Variants in PLIN1 observed in about 807,000 individuals in gnomAD.
The protein encoded by PLIN1 is perilipin-1.
PLIN1 carries 37 observed loss-of-function variants against 45.8 expected under a neutral mutation model. The ratio of observed to expected loss-of-function variants is 0.81; its 90% CI spans 0.62 to 1.06. The LOEUF is 1.06. Ranked by LOEUF, PLIN1 falls within the 50% of genes least tolerant of loss-of-function variation. The probability of loss-of-function intolerance (pLI) is 0.00; values close to 1 mark genes in which losing one functional copy is unlikely to be tolerated. For missense variants in PLIN1, 776 were observed against 716.5 expected (o/e 1.08, Z -0.95); for synonymous variants, 340 against 309.2 (o/e 1.10, Z -1.05).
chr15:89,669,897 G>T, intron 5 of PLIN1, 83 bp downstream of exon 5: 1 of 1,424,714 alleles, frequency 7.0e-7, no homozygotes, highest in Non-Finnish European at 9.6e-7. Context: ...CCAGAGCAGT[G>T]GCTGGTTGAG....
In PLIN1 at chr15:89,665,442, C is replaced by T; in HGVS notation, c.*141G>A. On this transcript the variant is annotated 3_prime_UTR_variant, in exon 9 of 9. Coordinates refer to ENST00000300055, the MANE Select transcript of PLIN1 (RefSeq NM_002666.5). ...AAAAATAAAATAAAAATAAAAAGTGCGCCTTGGCAGCATCATCAGGATGAG... is the reference window on the plus strand; with the variant it reads ...AAAAATAAAATAAAAATAAAAAGTGTGCCTTGGCAGCATCATCAGGATGAG... 5.3e-6 allele frequency: 3 copies of T among 560,988 alleles called. No individual in the cohort carries two copies. Among genetic ancestry groups the T allele is most frequent in the South Asian group, 4.9e-5 (1 of 20,342 alleles). The allele number at this position is 560,988 out of a possible 1,614,324, so 34.8% of individuals were successfully genotyped here.
chr15:89,667,806 G>A lies in PLIN1; in HGVS notation c.772-13C>T, dbSNP rs1178744300. 1 of 1,549,866 alleles carries A rather than the reference G, an allele frequency of 6.5e-7. No individual in the cohort carries two copies. The highest frequency in any genetic ancestry group is 8.7e-7 in the Non-Finnish European group (1 of 1,147,990). ...GGGCCAGGCTGCTCTGAGGGAGGAT[G>A]GCAGCAGATAGCTGGCTCAACTGCC... On this transcript the variant is annotated splice_polypyrimidine_tract_variant and intron_variant, in intron 6 of 8. Coordinates refer to ENST00000300055, the MANE Select transcript of PLIN1 (RefSeq NM_002666.5).
At position 89,667,762 on chromosome 15, in the gene PLIN1, G is replaced by A. The variant is rs1421611364; in HGVS notation, c.803C>T (p.Ala268Val). The change falls in exon 7 of 9, where the codon GCC becomes GTC. Residue 268 changes from alanine to valine, a missense_variant. By Grantham distance (64) the Ala-to-Val change is moderately conservative (BLOSUM62 0). Coordinates refer to ENST00000300055, the MANE Select transcript of PLIN1 (RefSeq NM_002666.5). Reference protein sequence around the residue: ...SSLAQWGASVAMQAVSRRRSE... With the variant: ...SSLAQWGASVVMQAVSRRRSE... ...CCTCCGCCGGGACACCGCCTGCATG[G>A]CCACTGAGGCACCCCACTGGGCCAG... is the stretch of plus-strand genomic sequence containing the variant. The A allele has an allele frequency of 3.8e-6, 6 of 1,562,672 alleles. No homozygotes were observed. The highest frequency in any genetic ancestry group is 2.3e-5 in the East Asian group (1 of 42,584).
chr15:89,666,812 G>A, intron 8 of PLIN1, 124 bp downstream of exon 8: 2 of 1,061,916 alleles, frequency 1.9e-6, no homozygotes, highest in Non-Finnish European at 2.8e-6. Flanking sequence ...GGACTGGAGT[G>A]GGGGGCGGTC....
chr15:89,679,013 T>C (rs7177950), intron 1 of PLIN1, among the ~76,000 whole-genome samples: 96 of 152,128 alleles, frequency 6.3e-4, no homozygotes, highest in African/African-American at 2.2e-3. Context: ...GCAGGGCTAA[T>C]TTTTTCTCTT....
At position 89,667,648 on chromosome 15, in the gene PLIN1, G is replaced by C. The variant is rs756738288; in HGVS notation, c.917C>G (p.Thr306Arg). Reference sequence around the variant, plus strand: ...AGTCTCCAATTCTTCCTCCTCCTCCGTGTCCTCTCCCTCCGTGTCTGTCTG... The same window carrying C: ...AGTCTCCAATTCTTCCTCCTCCTCCCTGTCCTCTCCCTCCGTGTCTGTCTG... ...EDQTDTEGED[T>R]EEEEELETEE... Residue 306 changes from threonine (T) to arginine (R), a missense_variant, in exon 7 of 9, where the codon ACG becomes AGG. Coordinates refer to ENST00000300055, the MANE Select transcript of PLIN1 (RefSeq NM_002666.5). The C allele has an allele frequency of 1.2e-6, 2 of 1,610,376 alleles. No homozygotes were observed.
Position 89,667,797 on chromosome 15 carries a change from A to G in PLIN1, c.772-4T>C, listed in dbSNP as rs1410982620. On this transcript the variant is annotated splice_polypyrimidine_tract_variant and splice_region_variant and intron_variant, in intron 6 of 8. Transcript: ENST00000300055. The stretch of plus-strand genomic sequence containing the variant: ...CACCCCACTGGGCCAGGCTGCTCTG[A>G]GGGAGGATGGCAGCAGATAGCTGGC... The G allele has an allele frequency of 2.6e-6, 4 of 1,553,378 alleles. No individual in the cohort carries two copies. The African/African-American group carries it at 5.4e-5, about 21-fold the overall frequency.
chr15:89,669,750 G>T, intron 5 of PLIN1, 78 bp from the exon 6 acceptor site: 1 of 1,316,290 alleles, frequency 7.6e-7, no homozygotes, highest in Non-Finnish European at 1.0e-6. Context: ...GTCTAGGACT[G>T]GAAAGTAGGT....
intron 6 of PLIN1, 59 bp downstream of exon 6, chr15:89,669,441 T>C: frequency 7.2e-7 from 1 of 1,390,666 alleles, no homozygotes. Context: ...TGGGAGGGAC[T>C]AGGAGGCCCA....
chr15:89,676,412 TG>T (rs2141539539), intron 2 of PLIN1, among the ~76,000 whole-genome samples: 1 of 152,208 alleles, frequency 6.6e-6, no homozygotes, highest in Admixed American at 6.5e-5. Flanking sequence ...CATACCCCGC[TG>T]ATTTTTTGTA....
intron 2 of PLIN1, among the ~76,000 whole-genome samples, chr15:89,675,077 C>T (rs529394382): frequency 6.6e-4 from 101 of 152,102 alleles, no homozygotes; most frequent in African/African-American, 2.4e-3. Context: ...AATCACGCCA[C>T]TGTACCACAG....
At chr15:89,673,752 T>G (rs546095281) in intron 2 of PLIN1, among the ~76,000 whole-genome samples, 158 of 152,126 alleles carry the variant, frequency 1.0e-3, no homozygotes, top group Non-Finnish European at 1.8e-3. Flanking sequence ...GAGCAAGTGT[T>G]GTTAATGTCT....
At chr15:89,668,091 TCCC>T (rs1173502736) in intron 6 of PLIN1, among the ~76,000 whole-genome samples, 1 of 152,166 alleles carries the variant, frequency 6.6e-6, no homozygotes, top group African/African-American at 2.4e-5. Flanking sequence ...CAGTCCACAT[TCCC>T]CCAAGAGTGA....
Position 89,665,570 on chromosome 15 carries a change from C to G in PLIN1, c.*13G>C. On this transcript the variant is annotated 3_prime_UTR_variant, in exon 9 of 9. Coordinates refer to ENST00000300055, the MANE Select transcript of PLIN1 (RefSeq NM_002666.5). ...AACCCGCCGGCCCGGGGCGCGGCGG[C>G]TGGTGCGGCGACTCAGCTCTTCTTG... is the stretch of plus-strand genomic sequence containing the variant. The G allele has an allele frequency of 6.6e-7, 1 of 1,522,078 alleles. No individual in the cohort carries two copies. The highest frequency in any genetic ancestry group is 8.8e-7 in the Non-Finnish European group (1 of 1,136,510). 94.3% of individuals were successfully genotyped at this position (1,522,078 alleles called of 1,614,324 possible).
At position 89,677,477 on chromosome 15, in the gene PLIN1, T is replaced by C. The variant is rs554749197; in HGVS notation, c.13A>G (p.Lys5Glu). 8.2e-5 allele frequency: 132 copies of C among 1,614,116 alleles called. 3 individuals are homozygous for C. In the South Asian group the frequency reaches 1.0e-3, roughly 13 times the overall value. Residue 5 changes from lysine (K) to glutamate (E), a missense_variant, in exon 2 of 9, where the codon AAA becomes GAA. Physicochemically the swap from Lys to Glu is moderately conservative, Grantham distance 56. Transcript: ENST00000300055. ...TCTCCATCCAGCAAGGTGAGGCCTT[T>C]GTTGACTGCCATCCTCGCTCCTCAA... MAVNKGLTLLDGDLP... is the reference protein window; with the variant it reads MAVNEGLTLLDGDLP...
At chr15:89,675,433 A>G (rs1219899265) in intron 2 of PLIN1, among the ~76,000 whole-genome samples, 1 of 150,664 alleles carries the variant, frequency 6.6e-6, no homozygotes, top group East Asian at 1.9e-4. Flanking sequence ...AAAAAAAAAA[A>G]AAAAAAAAAA....
rs200506665 is a variant in PLIN1 at position 89,669,530 on chromosome 15, C to T, written c.741G>A (p.Val247=). The T allele has an allele frequency of 1.9e-6, 3 of 1,613,476 alleles. No homozygotes were observed. The African/African-American group carries it at 4.0e-5, about 22-fold the overall frequency. The change falls in exon 6 of 9, where the codon GTG becomes GTA. Residue 247 remains valine, a synonymous_variant. Transcript: ENST00000300055. ...MARALEQGHT[V]AMWIPGVVPL... ...GCACCACGCCTGGGATCCACATGGCCACGGTGTGGCCCTGCTCCAGGGCCC... is the reference window on the plus strand; with the variant it reads ...GCACCACGCCTGGGATCCACATGGCTACGGTGTGGCCCTGCTCCAGGGCCC...
At chr15:89,676,462 T>G (rs1162038488) in intron 2 of PLIN1, among the ~76,000 whole-genome samples, 7 of 152,190 alleles carry the variant, frequency 4.6e-5, no homozygotes, top group Non-Finnish European at 1.0e-4. Flanking sequence ...TTAGCCAGGA[T>G]GGTCTTGATC....
chr15:89,675,279 C>T (rs1027557687), intron 2 of PLIN1, among the ~76,000 whole-genome samples: 1 of 151,938 alleles, frequency 6.6e-6, no homozygotes, highest in Admixed American at 6.6e-5. Flanking sequence ...CACCTAGGAA[C>T]CTTAGTGAAA....
Sources: allele counts gnomAD v4.1 joint callset (sites outside exome capture counted in the v4.1 genomes callset), GRCh38; gene constraint gnomAD v4.1.1; transcripts MANE v1.5; gene names NCBI Gene and HGNC (gene_info 2026-07-23, HGNC 2026-07-21).